The following FUCA1 variants were observed in gnomAD, a reference collection of about 807,000 sequenced individuals.
FUCA1 encodes the protein tissue alpha-L-fucosidase.
Under a neutral mutation model 56.8 loss-of-function variants are expected in FUCA1, and 52 were observed. That is an observed-to-expected ratio of 0.92 (90% CI 0.73 to 1.15). The LOEUF (loss-of-function observed/expected upper bound fraction) is 1.15. FUCA1 is among the 50% of genes most tolerant of loss of function. The probability of loss-of-function intolerance (pLI) is 0.00; values close to 1 mark genes in which losing one functional copy is unlikely to be tolerated. For synonymous variants in FUCA1, 230 were observed against 226.6 expected (o/e 1.02, Z -0.14); for missense variants, 568 against 592.6 (o/e 0.96, Z 0.43).
rs1168152197 is a variant in FUCA1, at chr1:23,845,630, C to T, written c.*85G>A. ...CATCTCTGGGTGGAGAAGAGAAGTTCGTTGATTATAGTGATGGTACTATAA... is the reference window on the plus strand; with the variant it reads ...CATCTCTGGGTGGAGAAGAGAAGTTTGTTGATTATAGTGATGGTACTATAA... On this transcript the variant is annotated 3_prime_UTR_variant, in exon 8 of 8. Coordinates refer to ENST00000374479, the MANE Select transcript of FUCA1 (RefSeq NM_000147.5). 20 of 1,522,752 alleles carry T rather than the reference C, an allele frequency of 1.3e-5. No individual in the cohort carries two copies. Among genetic ancestry groups the T allele is most frequent in the Middle Eastern group, 1.7e-4 (1 of 5,908 alleles). The allele number at this position is 1,522,752 out of a possible 1,614,324, so 94.3% of individuals were successfully genotyped here.
chr1:23,858,104 G>A (rs1022611022), intron 4 of FUCA1, among the ~76,000 whole-genome samples: 1 of 151,488 alleles, frequency 6.6e-6, no homozygotes, highest in Non-Finnish European at 1.5e-5. Flanking sequence ...TCACTCTGTC[G>A]CCCAGGCTGG....
chr1:23,863,031 A>T, intron 3 of FUCA1, 103 bp downstream of exon 3: 1 of 1,208,744 alleles, frequency 8.3e-7, no homozygotes, highest in Non-Finnish European at 1.2e-6. Context: ...GATGTCTTTT[A>T]GGTTTTTTTC....
chr1:23,860,027 A>C, intron 3 of FUCA1, 124 bp from the exon 4 acceptor site: 1 of 682,212 alleles, frequency 1.5e-6, no homozygotes, highest in African/African-American at 1.8e-5. Context: ...TCCAGCAGCT[A>C]TCAACATGTA....
rs1196350117 is a variant in FUCA1, at chr1:23,866,231, G to A, written c.390-606C>T. 2.6e-5 allele frequency among the ~76,000 whole-genome samples: 4 copies of A among 152,248 alleles called. No individual in the cohort carries two copies. In the East Asian group the frequency reaches 7.7e-4, roughly 29 times the overall value. ...AGAGGCTGGGGCATAAGAATCACTTGAGCCTGGGAGACAGAGGTTGCAGTG... is the reference window on the plus strand; with the variant it reads ...AGAGGCTGGGGCATAAGAATCACTTAAGCCTGGGAGACAGAGGTTGCAGTG... On this transcript the variant is annotated intron_variant, in intron 1 of 7. Transcript: ENST00000374479.
At chr1:23,863,449 A>C (rs1639551102) in intron 2 of FUCA1, among the ~76,000 whole-genome samples, 178 bp from the exon 3 acceptor site, 1 of 152,268 alleles carries the variant, frequency 6.6e-6, no homozygotes, top group Non-Finnish European at 1.5e-5. Context: ...AAGCAAAATG[A>C]GGTTTACTGT....
intron 5 of FUCA1, among the ~76,000 whole-genome samples, chr1:23,850,506 C>T (rs569130682): frequency 1.1e-4 from 16 of 151,848 alleles, no homozygotes; most frequent in Middle Eastern, 3.4e-3. Context: ...TTGTTTCAGA[C>T]GGAGTCTAGC....
intron 1 of FUCA1, among the ~76,000 whole-genome samples, chr1:23,866,530 A>C (rs192215709): frequency 1.3e-5 from 2 of 152,382 alleles, no homozygotes; most frequent in Non-Finnish European, 2.9e-5. Flanking sequence ...CATTGGCCAG[A>C]GTAGGGAACT....
At chr1:23,848,960 T>C (rs1188245905) in intron 5 of FUCA1, 121 bp from the exon 6 acceptor site, 3 of 861,962 alleles carry the variant, frequency 3.5e-6, no homozygotes, top group Non-Finnish European at 5.5e-6. Flanking sequence ...TCCTCTGCTG[T>C]TTTAATTTTT....
In FUCA1 at chr1:23,848,803, G is replaced by T. The variant is rs1250639867; in HGVS notation, c.1006C>A (p.Leu336Ile). Residue 336 changes from leucine to isoleucine, a missense_variant, in exon 6 of 8, where the codon CTT (leucine) becomes ATT (isoleucine). Leu to Ile is a conservative substitution (Grantham distance 5). Coordinates refer to ENST00000374479, the MANE Select transcript of FUCA1 (RefSeq NM_000147.5). ...VQTVSLGGNY[L>I]LNIGPTKDGL... ...TCTTTAGTTGGTCCAATGTTCAGAAGATAGTTGCCTCCCAAACTTACTGTC... is the reference window on the plus strand; with the variant it reads ...TCTTTAGTTGGTCCAATGTTCAGAATATAGTTGCCTCCCAAACTTACTGTC... 2.5e-6 allele frequency: 4 copies of T among 1,614,196 alleles called. No individual in the cohort carries two copies. Among genetic ancestry groups the T allele is most frequent in the East Asian group, 2.2e-5 (1 of 44,884 alleles).
chr1:23,853,603 C>T (rs1384897605), intron 5 of FUCA1, among the ~76,000 whole-genome samples: 1 of 150,978 alleles, frequency 6.6e-6, no homozygotes, highest in Non-Finnish European at 1.5e-5. Context: ...ATGACAATGG[C>T]GGTTTTGTGG....
chr1:23,845,788 G>A lies in FUCA1; in HGVS notation c.1328C>T (p.Ser443Phe). 1 of 1,614,070 alleles carries A rather than the reference G, an allele frequency of 6.2e-7. No homozygotes were observed. Among genetic ancestry groups the A allele is most frequent in the Non-Finnish European group, 8.5e-7 (1 of 1,179,894 alleles). ...AGCAGAGGGTGGCAACTGGGGTAGA[G>A]AGATGAAGAGACCTTTATCTGGATC... ...STDPDKGLFISLPQLPPSAVP... is the reference protein window; with the variant it reads ...STDPDKGLFIFLPQLPPSAVP... Residue 443 changes from serine (S) to phenylalanine (F), a missense_variant, in exon 8 of 8, where the codon TCT becomes TTT. Physicochemically the swap from Ser to Phe is radical, Grantham distance 155. Transcript: ENST00000374479.
chr1:23,864,695 T>G (rs1032554557), intron 2 of FUCA1, among the ~76,000 whole-genome samples: 1 of 151,374 alleles, frequency 6.6e-6, no homozygotes, highest in Admixed American at 6.6e-5. Flanking sequence ...CAAACTCTTT[T>G]TGTCTTTTTT....
intron 5 of FUCA1, among the ~76,000 whole-genome samples, chr1:23,853,204 C>G (rs144892149): frequency 0.26 from 39,313 of 149,298 alleles, 5,552 homozygotes; most frequent in Non-Finnish European, 0.33. Context: ...TCTGCCCAGC[C>G]GCCCCATCTG....
At chr1:23,849,245 C>T (rs572835904) in intron 5 of FUCA1, among the ~76,000 whole-genome samples, 11 of 152,280 alleles carry the variant, frequency 7.2e-5, no homozygotes, top group Non-Finnish European at 1.3e-4. Flanking sequence ...CTTGGCCTCC[C>T]GAAGTGCTGG....
chr1:23,868,244 G>T lies in FUCA1; in HGVS notation c.43C>A (p.Leu15Met). Residue 15 changes from leucine (L) to methionine (M), a missense_variant, in exon 1 of 8, where the codon CTG becomes ATG. By Grantham distance (15) the Leu-to-Met change is conservative (BLOSUM62 2). Coordinates refer to ENST00000374479, the MANE Select transcript of FUCA1 (RefSeq NM_000147.5). ...GMRSRPAGPA[L>M]LLLLLFLGAA... The stretch of plus-strand genomic sequence containing the variant: ...CCGAGGAAGAGCAGCAGCAGCAACA[G>T]CGCGGGACCCGCCGGCCGCGACCTC... 7 of 1,563,316 alleles carry T rather than the reference G, an allele frequency of 4.5e-6. No individual in the cohort carries two copies. The highest frequency in any genetic ancestry group is 6.1e-6 in the Non-Finnish European group (7 of 1,155,052).
chr1:23,864,078 CT>C (rs1245256857), intron 2 of FUCA1, among the ~76,000 whole-genome samples: 44 of 144,282 alleles, frequency 3.0e-4, no homozygotes, highest in African/African-American at 1.1e-3. Context: ...AGTTCTTTCT[CT>C]TTTTTTCCTT....
At chr1:23,850,917 C>A (rs1639242391) in intron 5 of FUCA1, among the ~76,000 whole-genome samples, 1 of 151,958 alleles carries the variant, frequency 6.6e-6, no homozygotes, top group South Asian at 2.1e-4. Flanking sequence ...GAGCCACCAC[C>A]ATGCCCAGCC....
chr1:23,858,093 C>T (rs1046134133), intron 4 of FUCA1, among the ~76,000 whole-genome samples: 2 of 151,688 alleles, frequency 1.3e-5, no homozygotes, highest in Admixed American at 6.6e-5. Context: ...GAGAAGGAGT[C>T]TCACTCTGTC....
intron 6 of FUCA1, among the ~76,000 whole-genome samples, chr1:23,847,418 T>C (rs1205363868): frequency 1.3e-5 from 2 of 152,032 alleles, no homozygotes; most frequent in Admixed American, 1.3e-4. Context: ...TGAAAATCAC[T>C]ACTATGGTTT....
Sources: allele counts gnomAD v4.1 joint callset (sites outside exome capture counted in the v4.1 genomes callset), GRCh38; gene constraint gnomAD v4.1.1; transcripts MANE v1.5; gene names NCBI Gene and HGNC (gene_info 2026-07-23, HGNC 2026-07-21).